Variants in ADGRG6 observed in about 807,000 individuals in gnomAD.
ADGRG6 encodes the protein adhesion G protein-coupled receptor G6, also known as G-protein coupled receptor 126.
ADGRG6 carries 84 observed loss-of-function variants against 142.4 expected under a neutral mutation model. That is an observed-to-expected ratio of 0.59 (90% CI 0.49 to 0.71). The LOEUF (loss-of-function observed/expected upper bound fraction) is 0.71. ADGRG6 is among the 30% of genes least tolerant of loss of function. The pLI, the probability that ADGRG6 is intolerant of heterozygous loss-of-function variation, is 0.00. For synonymous variants in ADGRG6, 521 were observed against 520.5 expected, an observed-to-expected ratio of 1.00 and a Z score of -0.01; for missense variants, 1,367 against 1,466.6, an observed-to-expected ratio of 0.93 and a Z score of 1.11.
chr6:142,350,402 T>C (rs1780113859), intron 2 of ADGRG6, among the ~76,000 whole-genome samples: 1 of 152,206 alleles, frequency 6.6e-6, no homozygotes, highest in South Asian at 2.1e-4. Context: ...GGATGAATTA[T>C]AAGGTTTATA....
chr6:142,424,522 C>T (rs1051981642), intron 22 of ADGRG6, among the ~76,000 whole-genome samples: 157 of 145,712 alleles, frequency 1.1e-3, no homozygotes, highest in Non-Finnish European at 1.9e-3. Context: ...GGATGAAGCC[C>T]ACTTGATCAT....
chr6:142,414,990 CAGTT>C lies in ADGRG6; in HGVS notation c.2566_2569del (p.Leu856MetfsTer28). On this transcript the variant is annotated frameshift_variant, in exon 19 of 25. Coordinates refer to ENST00000367609, the MANE Select transcript of ADGRG6 (RefSeq NM_198569.3). LOFTEE classifies it high-confidence loss of function. ...GTAGGACCTTCCAAGAAGTGCCTCA[CAGTT>C]AGATGCAAGAAACACTAAAGTCCTC... The C allele has an allele frequency of 6.2e-7, 1 of 1,611,404 alleles. No individual in the cohort carries two copies. Among genetic ancestry groups the C allele is most frequent in the Non-Finnish European group, 8.5e-7 (1 of 1,178,552 alleles).
Position 142,437,485 on chromosome 6 carries a change from A to G in ADGRG6, c.3371A>G (p.Gln1124Arg). The G allele has an allele frequency of 6.3e-7, 1 of 1,589,292 alleles. No individual in the cohort carries two copies. The highest frequency in any genetic ancestry group is 8.6e-7 in the Non-Finnish European group (1 of 1,157,548). Residue 1124 changes from glutamine (Q) to arginine (R), a missense_variant, in exon 23 of 25, where the codon CAG becomes CGG. This residue lies in a region of ADGRG6 where 344 missense variants were observed against 348.7 expected (regional missense o/e 0.99). Transcript: ENST00000367609. ...GCTATGAAGGAGAATGTTCAGAAAC[A>G]GTGGCGGCAGCATCTCTGCTGTGGT... Reference protein sequence around the residue: ...HCAMKENVQKQWRQHLCCGRF... With the variant: ...HCAMKENVQKRWRQHLCCGRF...
At chr6:142,379,361 A>C (rs148788010) in intron 4 of ADGRG6, among the ~76,000 whole-genome samples, 1 of 152,312 alleles carries the variant, frequency 6.6e-6, no homozygotes, top group Non-Finnish European at 1.5e-5. Flanking sequence ...CTGAATTATT[A>C]GTAGTAGTCC....
At chr6:142,442,892 A>G (rs2115225832) in intron 24 of ADGRG6, among the ~76,000 whole-genome samples, 1 of 152,238 alleles carries the variant, frequency 6.6e-6, no homozygotes, top group South Asian at 2.1e-4. Flanking sequence ...GTAACCATCA[A>G]TTTATAGCCA....
intron 6 of ADGRG6, among the ~76,000 whole-genome samples, chr6:142,386,428 C>T (rs1347607297): frequency 6.6e-6 from 1 of 152,180 alleles, no homozygotes; most frequent in Non-Finnish European, 1.5e-5. Context: ...ATGAGCTGTA[C>T]ATACATTTAA....
chr6:142,393,067 C>T, intron 8 of ADGRG6, 67 bp downstream of exon 8: 1 of 834,154 alleles, frequency 1.2e-6, no homozygotes, highest in Non-Finnish European at 2.0e-6. Context: ...ATTTGTCTCT[C>T]TGATTGTACC....
At chr6:142,416,106 G>C (rs200852205) in intron 20 of ADGRG6, 42 bp downstream of exon 20, 8 of 1,460,852 alleles carry the variant, frequency 5.5e-6, no homozygotes, top group Middle Eastern at 2.2e-4. Context: ...TTTCCCTCAT[G>C]AAAATTGCCA....
chr6:142,303,664 G>A (rs1390108329), intron 1 of ADGRG6, among the ~76,000 whole-genome samples: 1 of 152,076 alleles, frequency 6.6e-6, no homozygotes, highest in Non-Finnish European at 1.5e-5. Flanking sequence ...AGTAATATGA[G>A]CTTGTTTTCA....
At chr6:142,316,894 T>C (rs1318664935) in intron 2 of ADGRG6, among the ~76,000 whole-genome samples, 2 of 152,098 alleles carry the variant, frequency 1.3e-5, no homozygotes, top group Non-Finnish European at 2.9e-5. Flanking sequence ...CCTCATCAGA[T>C]TGTGTACACC....
intron 22 of ADGRG6, among the ~76,000 whole-genome samples, chr6:142,434,047 T>C (rs1777355032): frequency 6.6e-6 from 1 of 152,136 alleles, no homozygotes; most frequent in African/African-American, 2.4e-5. Context: ...AGCAAGAATC[T>C]GTCTCTTAAA....
chr6:142,409,979 A>G (rs757130774), intron 17 of ADGRG6, 60 bp downstream of exon 17: 1 of 713,756 alleles, frequency 1.4e-6, no homozygotes, highest in Non-Finnish European at 2.4e-6. Context: ...AAACATTGTT[A>G]GACACCCCCA....
intron 22 of ADGRG6, among the ~76,000 whole-genome samples, chr6:142,434,060 AG>A (rs537070172): frequency 6.6e-6 from 1 of 152,298 alleles, no homozygotes; most frequent in East Asian, 1.9e-4. Flanking sequence ...CTCTTAAAAA[AG>A]AAAAAACTTC....
At chr6:142,322,814 A>C (rs998209742) in intron 2 of ADGRG6, among the ~76,000 whole-genome samples, 2 of 152,244 alleles carry the variant, frequency 1.3e-5, no homozygotes, top group Admixed American at 6.5e-5. Context: ...TATTTACTAT[A>C]AAGTGATTTG....
intron 1 of ADGRG6, among the ~76,000 whole-genome samples, chr6:142,306,640 G>C (rs1357831815): frequency 2.0e-5 from 3 of 152,014 alleles, no homozygotes; most frequent in African/African-American, 7.3e-5. Context: ...GTCTTCAGTA[G>C]AACTTTAAGG....
chr6:142,305,405 G>GCC (rs67833729), intron 1 of ADGRG6, among the ~76,000 whole-genome samples: 10 of 113,430 alleles, frequency 8.8e-5, no homozygotes, highest in African/African-American at 2.6e-4. Flanking sequence ...CTCCTTTCCT[G>GCC]CCCCCCCCCA....
At chr6:142,307,915 A>G (rs1395633497) in intron 1 of ADGRG6, among the ~76,000 whole-genome samples, 2 of 152,080 alleles carry the variant, frequency 1.3e-5, no homozygotes, top group African/African-American at 2.4e-5. Context: ...ATACTAAAAC[A>G]TGGCTTGAGT....
At chr6:142,408,957 G>A (rs1350968315) in intron 16 of ADGRG6, among the ~76,000 whole-genome samples, 2 of 152,110 alleles carry the variant, frequency 1.3e-5, no homozygotes, top group African/African-American at 2.4e-5. Context: ...TTAGACTTCC[G>A]TGTTCAACAC....
At chr6:142,322,621 C>T (rs1307069528) in intron 2 of ADGRG6, among the ~76,000 whole-genome samples, 1 of 151,998 alleles carries the variant, frequency 6.6e-6, no homozygotes, top group African/African-American at 2.4e-5. Context: ...TATCCTTTTT[C>T]ATAATATATT....
Sources: allele counts gnomAD v4.1 joint callset (sites outside exome capture counted in the v4.1 genomes callset), GRCh38; gene constraint gnomAD v4.1.1; regional missense constraint gnomAD v4.1.1; transcripts MANE v1.5; gene names NCBI Gene and HGNC (gene_info 2026-07-23, HGNC 2026-07-21).